Variants in NOTCH3 observed in about 807,000 individuals in gnomAD.
NOTCH3 encodes the protein neurogenic locus notch homolog protein 3.
Under a neutral mutation model 213.3 loss-of-function variants are expected in NOTCH3, and 86 were observed. The observed-to-expected ratio is 0.40, with a 90% CI of 0.34 to 0.48. NOTCH3 has a LOEUF of 0.48. NOTCH3 is among the 20% of genes least tolerant of loss of function. The pLI is 0.57. For synonymous variants in NOTCH3, 1,354 were observed against 1,355.9 expected (o/e 1.00, Z 0.03); for missense variants, 2,783 against 3,272.6 (o/e 0.85, Z 3.65).
At chr19:15,179,608 A>G (rs948270367) in intron 20 of NOTCH3, 112 bp from the exon 21 acceptor site, 1 of 1,170,772 alleles carries the variant, frequency 8.5e-7, no homozygotes, top group Non-Finnish European at 1.2e-6. Context: ...ACAGATGTTC[A>G]GCGCACTACC....
chr19:15,170,221 G>T (rs1192667183), intron 27 of NOTCH3, 51 bp from the exon 28 acceptor site: 12 of 1,503,886 alleles, frequency 8.0e-6, no homozygotes, highest in Non-Finnish European at 1.1e-5. Context: ...GAGGTGTCCA[G>T]CTGGGAAGGA....
At chr19:15,192,592 G>A (rs2046938944) in intron 2 of NOTCH3, 73 bp from the exon 3 acceptor site, 5 of 1,528,050 alleles carry the variant, frequency 3.3e-6, no homozygotes, top group East Asian at 2.4e-5. Context: ...ACACAAGACA[G>A]GCAAGAAACA....
At chr19:15,163,270 T>G (rs984356119) in intron 31 of NOTCH3, among the ~76,000 whole-genome samples, 1 of 152,308 alleles carries the variant, frequency 6.6e-6, no homozygotes, top group East Asian at 1.9e-4. Flanking sequence ...GGGGAAAGAA[T>G]GGTCTTCTCA....
Position 15,181,594 on chromosome 19 carries a change from A to C in NOTCH3, c.2774T>G (p.Leu925Arg). 6.4e-7 allele frequency: 1 copy of C among 1,550,448 alleles called. No homozygotes were observed. Among genetic ancestry groups the C allele is most frequent in the Non-Finnish European group, 8.7e-7 (1 of 1,146,680 alleles). Residue 925 changes from leucine (L) to arginine (R), a missense_variant, in exon 17 of 33, where the codon CTG (leucine) becomes CGG (arginine). Around this residue, in one of 6 missense-constraint regions of NOTCH3, gnomAD observed 861 missense variants for 909.1 expected, o/e 0.95. Transcript: ENST00000263388. ...GYGGFHCEQDLPDCSPSSCFN... is the reference protein window; with the variant it reads ...GYGGFHCEQDRPDCSPSSCFN... ...CGCCCACCTGGGGCTGCAGTCGGGCAGGTCCTGTTCGCAGTGGAAGCCTCC... is the reference window on the plus strand; with the variant it reads ...CGCCCACCTGGGGCTGCAGTCGGGCCGGTCCTGTTCGCAGTGGAAGCCTCC...
At position 15,192,223 on chromosome 19, in the gene NOTCH3, T is replaced by A. The variant is rs766608781; in HGVS notation, c.416A>T (p.Asp139Val). 48 of 1,608,544 alleles carry A rather than the reference T, an allele frequency of 3.0e-5. No homozygotes were observed. Among genetic ancestry groups the A allele is most frequent in the Non-Finnish European group, 3.7e-5 (44 of 1,178,156 alleles). Residue 139 changes from aspartate (D) to valine (V), a missense_variant, in exon 4 of 33, where the codon GAT becomes GTT. This residue lies in a region of NOTCH3 where 708 missense variants were observed against 906.6 expected (regional missense o/e 0.78). Coordinates refer to ENST00000263388, the MANE Select transcript of NOTCH3 (RefSeq NM_000435.3). ...AHGARCSVGP[D>V]GRFLCSCPPG... Reference sequence around the variant, plus strand: ...TGGGCAGGAGCAGAGGAAGCGTCCATCGGGCCCCACTGAGCAGCGGGCACC... The same window carrying A: ...TGGGCAGGAGCAGAGGAAGCGTCCAACGGGCCCCACTGAGCAGCGGGCACC...
intron 28 of NOTCH3, 74 bp downstream of exon 28, chr19:15,170,012 C>T: frequency 2.5e-6 from 2 of 811,946 alleles, no homozygotes; most frequent in East Asian, 2.7e-5. Flanking sequence ...CGCCCATCAT[C>T]CACTGGGGAC....
At chr19:15,179,545 C>T (rs767430046) in intron 20 of NOTCH3, 49 bp from the exon 21 acceptor site, 2 of 1,605,160 alleles carry the variant, frequency 1.2e-6, no homozygotes, top group Non-Finnish European at 1.7e-6. Context: ...GGACACAGAC[C>T]CACCTGGACA....
At chr19:15,189,621 C>T (rs2046912791) in intron 6 of NOTCH3, among the ~76,000 whole-genome samples, 193 bp from the exon 7 acceptor site, 1 of 152,166 alleles carries the variant, frequency 6.6e-6, no homozygotes, top group South Asian at 2.1e-4. Context: ...CAGGTTCAAG[C>T]GATTCTCCTG....
chr19:15,198,000 C>A (rs1234970870), intron 1 of NOTCH3, among the ~76,000 whole-genome samples: 2 of 152,104 alleles, frequency 1.3e-5, no homozygotes, highest in African/African-American at 4.8e-5. Context: ...GATCCTAGGG[C>A]CACGGGTCTT....
chr19:15,181,263 C>T, intron 17 of NOTCH3, 101 bp from the exon 18 acceptor site: 1 of 1,102,300 alleles, frequency 9.1e-7, no homozygotes. Context: ...GTCCCACTCC[C>T]TGACCCTTAT....
intron 2 of NOTCH3, among the ~76,000 whole-genome samples, chr19:15,195,916 G>T (rs1005967382): frequency 3.3e-5 from 5 of 151,388 alleles, no homozygotes; most frequent in East Asian, 2.0e-4. Flanking sequence ...GGAGACGGAG[G>T]GGGGAGCGCA....
chr19:15,163,640 G>A (rs1365011302), intron 31 of NOTCH3, among the ~76,000 whole-genome samples: 1 of 152,160 alleles, frequency 6.6e-6, no homozygotes, highest in Non-Finnish European at 1.5e-5. Flanking sequence ...AGATCAGCCT[G>A]GGCAACAAAG....
At position 15,165,268 on chromosome 19, in the gene NOTCH3, A is replaced by T; in HGVS notation, c.5815+100T>A. 8.0e-7 allele frequency: 1 copy of T among 1,252,074 alleles called. No individual in the cohort carries two copies. Among genetic ancestry groups the T allele is most frequent in the Non-Finnish European group, 1.2e-6 (1 of 863,342 alleles). 77.6% of individuals were successfully genotyped at this position (1,252,074 alleles called of 1,614,324 possible). On this transcript the variant is annotated intron_variant, in intron 31 of 32. Coordinates refer to ENST00000263388, the MANE Select transcript of NOTCH3 (RefSeq NM_000435.3). This position sits in a 1 kb window ranked among gnomAD's most constrained non-coding sequence, Gnocchi z 4.7. ...GCCTGGTTATGTGTGCGTGAGCTTC[A>T]GTGATTGGGTCTCAACATGGGTATG...
intron 25 of NOTCH3, among the ~76,000 whole-genome samples, chr19:15,173,267 A>C (rs1208465623): frequency 7.3e-5 from 11 of 150,100 alleles, no homozygotes; most frequent in Admixed American, 2.7e-4. Flanking sequence ...CTAAAAATAC[A>C]AAAAATTAGC....
Position 15,170,321 on chromosome 19 carries a change from G to C in NOTCH3, c.5114+10C>G, listed in dbSNP as rs369547319. The C allele has an allele frequency of 4.7e-5, 76 of 1,610,586 alleles. No individual in the cohort carries two copies. In the African/African-American group the frequency reaches 8.7e-4, roughly 18 times the overall value. Reference sequence around the variant, plus strand: ...CGTAGTCAGGGACAGGGAGCGAGCAGGGTTCTCACTTCATGCCCAGCGCGT... The same window carrying C: ...CGTAGTCAGGGACAGGGAGCGAGCACGGTTCTCACTTCATGCCCAGCGCGT... On this transcript the variant is annotated intron_variant, in intron 27 of 32. Coordinates refer to ENST00000263388, the MANE Select transcript of NOTCH3 (RefSeq NM_000435.3).
intron 2 of NOTCH3, among the ~76,000 whole-genome samples, chr19:15,196,413 G>C (rs2046971231): frequency 6.8e-6 from 1 of 146,210 alleles, no homozygotes; most frequent in Non-Finnish European, 1.5e-5. Context: ...CCTCCACAAA[G>C]GTGAGCCCGA....
Position 15,185,471 on chromosome 19 carries a change from T to C in NOTCH3, c.2144+16A>G. 6.2e-7 allele frequency: 1 copy of C among 1,611,810 alleles called. No individual in the cohort carries two copies. The highest frequency in any genetic ancestry group is 8.5e-7 in the Non-Finnish European group (1 of 1,179,258). ...AGGGAGAGGGGGCAGTGTCTGAGGC[T>C]GAGAAGGGCCCTCACCCGCCAGGTG... On this transcript the variant is annotated intron_variant, in intron 13 of 32. Coordinates refer to ENST00000263388, the MANE Select transcript of NOTCH3 (RefSeq NM_000435.3). The surrounding 1 kb of genome is among the most constrained non-coding windows in gnomAD (Gnocchi z 4.2).
At chr19:15,192,561 T>C in intron 2 of NOTCH3, 42 bp from the exon 3 acceptor site, 3 of 1,552,714 alleles carry the variant, frequency 1.9e-6, no homozygotes, top group Non-Finnish European at 2.6e-6. Flanking sequence ...CAGGGCAGGA[T>C]GGCCCCAGAC....
At position 15,179,338 on chromosome 19, in the gene NOTCH3, TCCC is replaced by T. The variant is rs753623434; in HGVS notation, c.3460+23_3460+25del. On this transcript the variant is annotated intron_variant, in intron 21 of 32. Coordinates refer to ENST00000263388, the MANE Select transcript of NOTCH3 (RefSeq NM_000435.3). ...GGAATGAAGACAGCCTCTCATCCTG[TCCC>T]CCCAACCCTGGCCCTGGCATACCCA... The T allele has an allele frequency of 5.0e-6, 8 of 1,610,332 alleles. No homozygotes were observed. The Admixed American group carries it at 1.2e-4, about 24-fold the overall frequency.
Sources: allele counts gnomAD v4.1 joint callset (sites outside exome capture counted in the v4.1 genomes callset), GRCh38; gene constraint gnomAD v4.1.1; regional missense constraint gnomAD v4.1.1; non-coding constraint Gnocchi (gnomAD v3.1); transcripts MANE v1.5; gene names NCBI Gene and HGNC (gene_info 2026-07-23, HGNC 2026-07-21).